DMRTC2: variants seen among roughly 807,000 people sequenced by gnomAD.
The protein encoded by DMRTC2 is DMRT like family C2.
Under a neutral mutation model 39.9 loss-of-function variants are expected in DMRTC2, and 13 were observed. The ratio of observed to expected loss-of-function variants is 0.33; its 90% CI spans 0.21 to 0.52. DMRTC2 has a LOEUF of 0.52. Ranked by LOEUF, DMRTC2 falls within the 20% of genes least tolerant of loss-of-function variation. The pLI is 0.96. For missense variants in DMRTC2, 431 were observed against 472.8 expected (o/e 0.91, Z 0.82); for synonymous variants, 189 against 185.2 (o/e 1.02, Z -0.17).
At chr19:41,846,562 C>A (rs1555835916) in intron 1 of DMRTC2, among the ~76,000 whole-genome samples, 2 of 128,232 alleles carry the variant, frequency 1.6e-5, no homozygotes, top group Non-Finnish European at 3.5e-5. Flanking sequence ...AAATAAAAAA[C>A]AATTAAAAAA....
At chr19:41,847,346 G>T in intron 1 of DMRTC2, 79 bp from the exon 2 acceptor site, 5 of 1,481,524 alleles carry the variant, frequency 3.4e-6, no homozygotes, top group Non-Finnish European at 4.5e-6. Context: ...ATGGAGACCT[G>T]CAGGTGTGGT....
At position 41,850,522 on chromosome 19, in the gene DMRTC2, G is replaced by A; in HGVS notation, c.817-4G>A. On this transcript the variant is annotated splice_polypyrimidine_tract_variant and splice_region_variant and intron_variant, in intron 7 of 8. Transcript: ENST00000269945. ...CAGTCTGCTTGTCTCCCTTTCCCTT[G>A]CAGGCCTCTGGAGCCTCGTGCCTGG... 6.2e-7 allele frequency: 1 copy of A among 1,608,604 alleles called. No homozygotes were observed. Among genetic ancestry groups the A allele is most frequent in the East Asian group, 2.2e-5 (1 of 44,676 alleles).
chr19:41,847,383 C>A (rs1555836176), intron 1 of DMRTC2, 42 bp from the exon 2 acceptor site: 1 of 1,510,540 alleles, frequency 6.6e-7, no homozygotes. Flanking sequence ...TTGTTAGGGG[C>A]AGGCCCACCT....
intron 1 of DMRTC2, 95 bp from the exon 2 acceptor site, chr19:41,847,330 G>A (rs2073879519): frequency 1.4e-6 from 2 of 1,465,004 alleles, no homozygotes; most frequent in African/African-American, 2.8e-5. Context: ...TCTAAAGAGG[G>A]GCAGGATGGA....
At chr19:41,848,729 C>A (rs1219389508) in intron 4 of DMRTC2, 66 bp from the exon 5 acceptor site, 9 of 1,605,284 alleles carry the variant, frequency 5.6e-6, no homozygotes, top group Middle Eastern at 1.8e-4. Context: ...TGCCCGTATC[C>A]CAGAATACAC....
intron 6 of DMRTC2, 125 bp from the exon 7 acceptor site, chr19:41,850,187 G>C (rs1186233759): frequency 4.0e-6 from 3 of 759,054 alleles, no homozygotes; most frequent in Non-Finnish European, 5.9e-6. Flanking sequence ...TCAAGACACA[G>C]CTTAATGGCC....
Position 41,850,519 on chromosome 19 carries a change from C to T in DMRTC2, c.817-7C>T, listed in dbSNP as rs1555837138. ...TCCCAGTCTGCTTGTCTCCCTTTCC[C>T]TTGCAGGCCTCTGGAGCCTCGTGCC... On this transcript the variant is annotated splice_polypyrimidine_tract_variant and splice_region_variant and intron_variant, in intron 7 of 8. Coordinates refer to ENST00000269945, the MANE Select transcript of DMRTC2 (RefSeq NM_001040283.3). 1.2e-6 allele frequency: 2 copies of T among 1,607,082 alleles called. No individual in the cohort carries two copies. The highest frequency in any genetic ancestry group is 4.5e-5 in the East Asian group (2 of 44,618).
chr19:41,848,254 G>C (rs540999221), intron 3 of DMRTC2, among the ~76,000 whole-genome samples, 198 bp from the exon 4 acceptor site: 222 of 152,248 alleles, frequency 1.5e-3, no homozygotes, highest in African/African-American at 5.0e-3. Flanking sequence ...GCTGAGGCAG[G>C]AGAATCACTT....
chr19:41,848,561 C>T (rs1555836548), intron 4 of DMRTC2, 33 bp downstream of exon 4: 1 of 1,475,822 alleles, frequency 6.8e-7, no homozygotes, highest in South Asian at 1.3e-5. Context: ...GAAAGTGTCC[C>T]CCACCCTAGT....
chr19:41,851,794 T>G lies in DMRTC2; in HGVS notation c.*98T>G. On this transcript the variant is annotated 3_prime_UTR_variant, in exon 9 of 9. Coordinates refer to ENST00000269945, the MANE Select transcript of DMRTC2 (RefSeq NM_001040283.3). ...TACTTAAGGATTTATGCATGGAATT[T>G]AATGTAGTACAAGCTTCGGGCTTTT... The G allele has an allele frequency of 3.7e-6, 4 of 1,085,166 alleles. No homozygotes were observed. Among genetic ancestry groups the G allele is most frequent in the Non-Finnish European group, 5.5e-6 (4 of 731,676 alleles). The allele number at this position is 1,085,166 out of a possible 1,614,324, so 67.2% of individuals were successfully genotyped here. A position where few individuals can be genotyped will look rare whatever the true frequency, so the allele number is the denominator to read the frequency against.
chr19:41,845,402 G>A (rs1293819016), intron 1 of DMRTC2: 1 of 152,304 alleles, frequency 6.6e-6, no homozygotes, highest in Non-Finnish European at 1.5e-5. Flanking sequence ...CCTGAATAAG[G>A]TGTGAGCGCA....
In DMRTC2 at chr19:41,848,984, A is replaced by G; in HGVS notation, c.628+9A>G. On this transcript the variant is annotated intron_variant, in intron 5 of 8. Coordinates refer to ENST00000269945, the MANE Select transcript of DMRTC2 (RefSeq NM_001040283.3). ...TCTGCCTCCCTTCCCTGGTAAGATG[A>G]TAATTCAACATTCATTCAACATATA... 3 of 1,613,960 alleles carry G rather than the reference A, an allele frequency of 1.9e-6. No homozygotes were observed. The highest frequency in any genetic ancestry group is 2.5e-6 in the Non-Finnish European group (3 of 1,179,842).
intron 3 of DMRTC2, 150 bp from the exon 4 acceptor site, chr19:41,848,302 C>T (rs1333428273): frequency 2.8e-5 from 18 of 639,654 alleles, no homozygotes; most frequent in African/African-American, 5.6e-5. Flanking sequence ...GCCAAGATCA[C>T]GCCACTGCAC....
At chr19:41,850,284 C>A (rs1343725247) in intron 6 of DMRTC2, 28 bp from the exon 7 acceptor site, 2 of 1,479,356 alleles carry the variant, frequency 1.4e-6, no homozygotes, top group African/African-American at 1.4e-5. Flanking sequence ...TGTTTAACCA[C>A]CCTGGCATCT....
In DMRTC2 at chr19:41,851,690, G is replaced by A. The variant is rs1369503928; in HGVS notation, c.1098G>A (p.Leu366=). Residue 366 remains leucine (L), a synonymous_variant, in exon 9 of 9, where the codon CTG becomes CTA. Transcript: ENST00000269945. Reference sequence around the variant, plus strand: ...GCCGTCTGGGGTCCATCTCCCTCCTGAGCTAGAAACCCAGAGATGGAGGCT... The same window carrying A: ...GCCGTCTGGGGTCCATCTCCCTCCTAAGCTAGAAACCCAGAGATGGAGGCT... ...HIGRLGSISL[L]S is the part of the protein sequence containing the mutation. 7.4e-6 allele frequency: 12 copies of A among 1,613,962 alleles called. No homozygotes were observed. The African/African-American group carries it at 1.3e-4, about 18-fold the overall frequency.
chr19:41,848,564 A>G, intron 4 of DMRTC2, 36 bp downstream of exon 4: 1 of 1,458,076 alleles, frequency 6.9e-7, no homozygotes, highest in East Asian at 2.4e-5. Context: ...AGTGTCCCCC[A>G]CCCTAGTTCC....
At chr19:41,848,736 A>G (rs2073907145) in intron 4 of DMRTC2, 59 bp from the exon 5 acceptor site, 1 of 1,606,128 alleles carries the variant, frequency 6.2e-7, no homozygotes, top group Non-Finnish European at 8.5e-7. Context: ...ATCCCAGAAT[A>G]CACTCAATCC....
rs1157622030 is a variant in DMRTC2, at chr19:41,846,630, C to T, written c.-4-795C>T. On this transcript the variant is annotated intron_variant, in intron 1 of 8. Transcript: ENST00000269945. ...TCACCCAGGCTAAAGTGCAGTGGCG[C>T]GATCATGGCTCACTGCCAGCTCTGC... 4.6e-5 allele frequency among the ~76,000 whole-genome samples: 7 copies of T among 152,012 alleles called. No homozygotes were observed. In the East Asian group the frequency reaches 5.8e-4, roughly 13 times the overall value.
At position 41,847,604 on chromosome 19, in the gene DMRTC2, G is replaced by A. The variant is rs781868878; in HGVS notation, c.176G>A (p.Arg59His). Residue 59 changes from arginine (R) to histidine (H), a missense_variant, in exon 2 of 9, where the codon CGC (arginine) becomes CAC (histidine). Physicochemically the swap from Arg to His is conservative, Grantham distance 29 (BLOSUM62 0). Coordinates refer to ENST00000269945, the MANE Select transcript of DMRTC2 (RefSeq NM_001040283.3). ...GVTAHLKGHK[R>H]LCLFQACECH... ...ACCGCCCATCTCAAGGGCCACAAGC[G>A]CCTCTGCCTCTTCCAGGCTTGCGAG... The A allele has an allele frequency of 1.2e-5, 20 of 1,614,068 alleles. No individual in the cohort carries two copies. Among genetic ancestry groups the A allele is most frequent in the Non-Finnish European group, 1.6e-5 (19 of 1,180,052 alleles).
Sources: allele counts gnomAD v4.1 joint callset (sites outside exome capture counted in the v4.1 genomes callset), GRCh38; gene constraint gnomAD v4.1.1; transcripts MANE v1.5; gene names NCBI Gene and HGNC (gene_info 2026-07-23, HGNC 2026-07-21).